TRERF1: variants seen among roughly 807,000 people sequenced by gnomAD.
TRERF1 encodes transcriptional-regulating factor 1.
TRERF1 carries 27 observed loss-of-function variants against 122.9 expected under a neutral mutation model. The observed-to-expected ratio is 0.22, with a 90% CI of 0.16 to 0.30. TRERF1 has a LOEUF of 0.30. TRERF1 is among the 10% of genes least tolerant of loss of function. The probability of loss-of-function intolerance (pLI) is 1.00; values close to 1 mark genes in which losing one functional copy is unlikely to be tolerated. For missense variants in TRERF1, 1,248 were observed against 1,560.3 expected (o/e 0.80, Z 3.37); for synonymous variants, 636 against 641.7 (o/e 0.99, Z 0.13).
chr6:42,420,569 C>A (rs181367062), intron 2 of TRERF1, among the ~76,000 whole-genome samples: 18 of 152,114 alleles, frequency 1.2e-4, no homozygotes, highest in African/African-American at 4.3e-4. Context: ...AAAGTTAATT[C>A]ATGCTTATTA....
intron 3 of TRERF1, among the ~76,000 whole-genome samples, chr6:42,356,530 G>C (rs955500413): frequency 3.9e-5 from 6 of 152,216 alleles, no homozygotes; most frequent in Non-Finnish European, 8.8e-5. Context: ...TGAGCACCTT[G>C]ATCTTGGACT....
At chr6:42,294,198 T>TTTG (rs1784728969) in intron 4 of TRERF1, among the ~76,000 whole-genome samples, 1 of 151,234 alleles carries the variant, frequency 6.6e-6, no homozygotes. Flanking sequence ...TTTTTTTTTT[T>TTTG]TGAGACGGAG....
intron 3 of TRERF1, among the ~76,000 whole-genome samples, chr6:42,342,307 T>G (rs538604393): frequency 6.6e-6 from 1 of 152,276 alleles, no homozygotes; most frequent in African/African-American, 2.4e-5. Context: ...CTAGGCAAAC[T>G]AGGGTGGTTG....
intron 2 of TRERF1, among the ~76,000 whole-genome samples, chr6:42,444,883 C>CA (rs1437775792): frequency 6.6e-6 from 1 of 152,224 alleles, no homozygotes; most frequent in African/African-American, 2.4e-5. Context: ...GCTCCTCCCT[C>CA]ACGATCCCCT....
chr6:42,404,095 G>A (rs1018752992), intron 2 of TRERF1, among the ~76,000 whole-genome samples: 2 of 152,102 alleles, frequency 1.3e-5, no homozygotes, highest in African/African-American at 4.8e-5. Flanking sequence ...GGAGTCTTGA[G>A]TACTAGACTC....
At chr6:42,327,427 C>T (rs756603065) in intron 3 of TRERF1, among the ~76,000 whole-genome samples, 1 of 152,122 alleles carries the variant, frequency 6.6e-6, no homozygotes, top group Non-Finnish European at 1.5e-5. Flanking sequence ...GGTCTTGGAA[C>T]GTTGGTTTGC....
At chr6:42,425,719 A>G (rs1337470670) in intron 2 of TRERF1, among the ~76,000 whole-genome samples, 3 of 151,064 alleles carry the variant, frequency 2.0e-5, no homozygotes, top group Non-Finnish European at 4.4e-5. Context: ...AATTTTTTGT[A>G]TTTTTAGTAG....
At chr6:42,401,977 G>C (rs1475428679) in intron 2 of TRERF1, among the ~76,000 whole-genome samples, 2 of 152,212 alleles carry the variant, frequency 1.3e-5, no homozygotes, top group Admixed American at 6.5e-5. Flanking sequence ...GAAGAAATAA[G>C]AGTGGGTCCT....
At chr6:42,436,876 A>G (rs1434614310) in intron 2 of TRERF1, among the ~76,000 whole-genome samples, 1 of 138,626 alleles carries the variant, frequency 7.2e-6, no homozygotes, top group Admixed American at 7.7e-5. Context: ...CATTTATACA[A>G]TTTCAGTGAA....
At position 42,232,991 on chromosome 6, in the gene TRERF1, A is replaced by G; in HGVS notation, c.3067-99T>C. On this transcript the variant is annotated intron_variant, in intron 16 of 17. Transcript: ENST00000372922. The surrounding 1 kb of genome is among the most constrained non-coding windows in gnomAD (Gnocchi z 4.5). ...AAACATGGAATACTTGAAACTGTCT[A>G]ATGACAGGGCACAAGGGTTTTATAT... is the stretch of plus-strand genomic sequence containing the variant. 6.9e-7 allele frequency: 1 copy of G among 1,448,912 alleles called. No individual in the cohort carries two copies. Among genetic ancestry groups the G allele is most frequent in the Non-Finnish European group, 9.1e-7 (1 of 1,096,270 alleles). 89.8% of individuals were successfully genotyped at this position (1,448,912 alleles called of 1,614,324 possible).
At chr6:42,312,285 T>A (rs1490424340) in intron 3 of TRERF1, among the ~76,000 whole-genome samples, 1 of 152,140 alleles carries the variant, frequency 6.6e-6, no homozygotes, top group African/African-American at 2.4e-5. Context: ...GGGCAGCAGA[T>A]AGATGAGCCC....
intron 17 of TRERF1, among the ~76,000 whole-genome samples, chr6:42,229,844 G>A (rs35923142): frequency 0.059 from 9,036 of 152,250 alleles, 349 homozygotes; most frequent in Middle Eastern, 0.085. Context: ...TGGTCAGTGG[G>A]CCAAATCCTG....
chr6:42,288,607 C>T (rs931708151), intron 4 of TRERF1, among the ~76,000 whole-genome samples: 1 of 139,836 alleles, frequency 7.2e-6, no homozygotes, highest in East Asian at 2.1e-4. Context: ...GAGAGAGAGA[C>T]GGGGTTGTGA....
intron 16 of TRERF1, among the ~76,000 whole-genome samples, chr6:42,233,590 CT>C (rs531661076): frequency 2.6e-4 from 39 of 152,174 alleles, no homozygotes; most frequent in Non-Finnish European, 4.6e-4. Flanking sequence ...TGGCCTCAAA[CT>C]TTTTTAAAGA....
At chr6:42,428,277 C>G (rs950098631) in intron 2 of TRERF1, among the ~76,000 whole-genome samples, 2 of 152,182 alleles carry the variant, frequency 1.3e-5, no homozygotes, top group Non-Finnish European at 2.9e-5. Flanking sequence ...TTTATCAGTA[C>G]CATCTGCATT....
intron 2 of TRERF1, among the ~76,000 whole-genome samples, chr6:42,377,910 C>CA (rs1775198700): frequency 6.6e-6 from 1 of 152,230 alleles, no homozygotes; most frequent in Admixed American, 6.5e-5. Flanking sequence ...TGCGGTCTCA[C>CA]AGGACCCCAT....
chr6:42,450,234 A>G (rs928412037), intron 2 of TRERF1, among the ~76,000 whole-genome samples: 2 of 152,256 alleles, frequency 1.3e-5, no homozygotes, highest in Admixed American at 1.3e-4. Flanking sequence ...TCAGTGATGC[A>G]GAAGGTGGGT....
At chr6:42,261,765 C>G (rs890022078) in intron 8 of TRERF1, among the ~76,000 whole-genome samples, 30 of 152,136 alleles carry the variant, frequency 2.0e-4, no homozygotes, top group African/African-American at 6.8e-4. Flanking sequence ...TTCAGCCTAC[C>G]GCCCCCACCA....
At chr6:42,394,540 A>C (rs976283056) in intron 2 of TRERF1, among the ~76,000 whole-genome samples, 8 of 152,228 alleles carry the variant, frequency 5.3e-5, no homozygotes, top group African/African-American at 1.9e-4. Flanking sequence ...AATAATATCC[A>C]GGCTCACTCA....
Sources: gnomAD v4.1 joint callset for allele counts (sites outside exome capture counted in the v4.1 genomes callset) on GRCh38, gnomAD v4.1.1 for gene constraint, Gnocchi (gnomAD v3.1) non-coding constraint, MANE v1.5 for transcripts, NCBI Gene and HGNC (gene_info 2026-07-23, HGNC 2026-07-21) for gene names.